The following EFNA5 variants were observed in gnomAD, a reference collection of about 807,000 sequenced individuals.
The protein encoded by EFNA5 is ephrin A5.
In EFNA5, 5 loss-of-function variants were observed where a neutral mutation model predicts 22.9. The observed-to-expected ratio is 0.22, with a 90% CI of 0.11 to 0.46. The LOEUF is 0.46. Among genes scored for constraint, EFNA5 ranks in the 20% least tolerant of loss-of-function variants. The pLI is 0.99. For synonymous variants in EFNA5, 113 were observed against 112.2 expected, an observed-to-expected ratio of 1.01 and a Z score of -0.04; for missense variants, 237 against 293.3, an observed-to-expected ratio of 0.81 and a Z score of 1.40.
intron 1 of EFNA5, among the ~76,000 whole-genome samples, chr5:107,549,997 T>A (rs887367699): frequency 1.3e-5 from 2 of 152,264 alleles, no homozygotes; most frequent in South Asian, 4.1e-4. Context: ...AACTTTTGGA[T>A]TTTTGACTGT....
At position 107,592,018 on chromosome 5, in the gene EFNA5, A is replaced by G. The variant is rs1414467818; in HGVS notation, c.125+78471T>C. Among the ~76,000 whole-genome samples, 60 of 61,394 alleles carry G rather than the reference A, an allele frequency of 9.8e-4. 4 individuals carry two copies. In the East Asian group the frequency reaches 0.016, roughly 16 times the overall value. 40.3% of individuals were successfully genotyped at this position (61,394 alleles called of 152,430 possible). On this transcript the variant is annotated intron_variant, in intron 1 of 4. Transcript: ENST00000333274. The stretch of plus-strand genomic sequence containing the variant: ...ATATATAATATATAATATATATAAT[A>G]TAATATATATTATATATTATATATA...
chr5:107,657,881 A>G (rs181743653), intron 1 of EFNA5, among the ~76,000 whole-genome samples: 61 of 152,262 alleles, frequency 4.0e-4, no homozygotes, highest in African/African-American at 1.4e-3. Flanking sequence ...CAAAAAACGC[A>G]GAGTAATCTT....
intron 1 of EFNA5, among the ~76,000 whole-genome samples, chr5:107,656,432 G>C (rs1189740518): frequency 2.0e-5 from 3 of 151,886 alleles, no homozygotes; most frequent in African/African-American, 7.3e-5. Flanking sequence ...CATCTCTCAG[G>C]AACAACATAT....
At chr5:107,617,470 G>A (rs1749946676) in intron 1 of EFNA5, among the ~76,000 whole-genome samples, 3 of 152,126 alleles carry the variant, frequency 2.0e-5, no homozygotes, top group Admixed American at 2.0e-4. Flanking sequence ...CAGAGAAGCA[G>A]GTAAAGAGTC....
intron 1 of EFNA5, among the ~76,000 whole-genome samples, chr5:107,648,578 T>C (rs1750671568): frequency 1.3e-5 from 2 of 152,174 alleles, no homozygotes; most frequent in Non-Finnish European, 2.9e-5. Flanking sequence ...TTTTAATTCT[T>C]AGAATTAGTC....
At chr5:107,444,733 T>C (rs1369515780) in intron 1 of EFNA5, among the ~76,000 whole-genome samples, 1 of 152,170 alleles carries the variant, frequency 6.6e-6, no homozygotes, top group African/African-American at 2.4e-5. Context: ...AATCCATTTG[T>C]GTAAGTCAAA....
intron 1 of EFNA5, among the ~76,000 whole-genome samples, chr5:107,466,011 C>A (rs184485485): frequency 2.6e-5 from 4 of 152,210 alleles, no homozygotes; most frequent in African/African-American, 9.6e-5. Context: ...AGGAGAAAGT[C>A]GGGAGCAGGA....
At chr5:107,444,138 G>T (rs899462056) in intron 1 of EFNA5, among the ~76,000 whole-genome samples, 2 of 152,122 alleles carry the variant, frequency 1.3e-5, no homozygotes, top group Non-Finnish European at 2.9e-5. Context: ...AACAGTTTCC[G>T]CAATGCTCAA....
intron 1 of EFNA5, among the ~76,000 whole-genome samples, chr5:107,664,064 G>A (rs1358031567): frequency 6.6e-6 from 1 of 152,104 alleles, no homozygotes; most frequent in Non-Finnish European, 1.5e-5. Context: ...TTAAAATAAT[G>A]TTTTCATTGA....
intron 1 of EFNA5, among the ~76,000 whole-genome samples, chr5:107,602,839 GAA>G: frequency 6.6e-6 from 1 of 151,828 alleles, no homozygotes; most frequent in South Asian, 2.1e-4. Flanking sequence ...GAAAAAGAAA[GAA>G]AGAAAAAAAT....
chr5:107,384,668 G>A (rs1230465724), intron 4 of EFNA5, among the ~76,000 whole-genome samples: 1 of 151,756 alleles, frequency 6.6e-6, no homozygotes, highest in Non-Finnish European at 1.5e-5. Flanking sequence ...ATGGAGCACA[G>A]TGGCGTGATC....
In EFNA5 at chr5:107,413,508, A is replaced by C. The variant is rs76965472; in HGVS notation, c.418+13709T>G. On this transcript the variant is annotated intron_variant, in intron 2 of 4. Coordinates refer to ENST00000333274, the MANE Select transcript of EFNA5 (RefSeq NM_001962.3). ...CAAAAACCTCATGTCATATAAATAG[A>C]ATATTACAGGAACTATTCATTATTC... Among the ~76,000 whole-genome samples the C allele has an allele frequency of 3.6e-3, 554 of 152,264 alleles. 4 individuals carry two copies. The highest frequency in any genetic ancestry group is 0.013 in the African/African-American group (531 of 41,558).
chr5:107,626,080 C>A (rs966152278), intron 1 of EFNA5, among the ~76,000 whole-genome samples: 5 of 152,134 alleles, frequency 3.3e-5, no homozygotes, highest in African/African-American at 9.7e-5. Context: ...ATCTTATGAA[C>A]TGATTATCAG....
At chr5:107,434,151 G>T (rs2112428515) in intron 1 of EFNA5, among the ~76,000 whole-genome samples, 1 of 152,272 alleles carries the variant, frequency 6.6e-6, no homozygotes, top group Non-Finnish European at 1.5e-5. Flanking sequence ...AAACTTGGGT[G>T]GCTGAAAAAG....
chr5:107,501,661 G>A (rs186133893), intron 1 of EFNA5, among the ~76,000 whole-genome samples: 1 of 152,230 alleles, frequency 6.6e-6, no homozygotes, highest in East Asian at 1.9e-4. Flanking sequence ...TTTTAATACA[G>A]TCATTATAAA....
At chr5:107,670,387 T>C (rs1580593759) in intron 1 of EFNA5, 102 bp downstream of exon 1, 1 of 1,387,576 alleles carries the variant, frequency 7.2e-7, no homozygotes, top group East Asian at 2.8e-5. Context: ...GCTCCGAGGG[T>C]GCGCGCCGCC....
intron 2 of EFNA5, among the ~76,000 whole-genome samples, chr5:107,418,349 G>T (rs775281082): frequency 3.3e-5 from 5 of 152,188 alleles, no homozygotes; most frequent in Non-Finnish European, 7.3e-5. Flanking sequence ...AACCAAATTA[G>T]TGCATTACAT....
chr5:107,595,145 T>C (rs1749448762), intron 1 of EFNA5, among the ~76,000 whole-genome samples: 2 of 152,190 alleles, frequency 1.3e-5, no homozygotes, highest in Admixed American at 6.5e-5. Context: ...TTAATTTTTT[T>C]TTTTAAACTT....
chr5:107,430,111 G>A (rs1433541821), intron 1 of EFNA5, among the ~76,000 whole-genome samples: 1 of 152,164 alleles, frequency 6.6e-6, no homozygotes, highest in African/African-American at 2.4e-5. Flanking sequence ...ATGACCACGA[G>A]TTTACTTTTT....
Sources: allele counts gnomAD v4.1 joint callset (sites outside exome capture counted in the v4.1 genomes callset), GRCh38; gene constraint gnomAD v4.1.1; transcripts MANE v1.5; gene names NCBI Gene and HGNC (gene_info 2026-07-23, HGNC 2026-07-21).